LYPLAL1: variants seen among roughly 807,000 people sequenced by gnomAD.
LYPLAL1 encodes lysophospholipase like 1, also known as lysophospholipase-like protein 1.
Under a neutral mutation model 19.7 loss-of-function variants are expected in LYPLAL1, and 23 were observed. That is an observed-to-expected ratio of 1.17 (90% CI 0.84 to 1.65). The LOEUF (loss-of-function observed/expected upper bound fraction) is 1.65, where lower values mean the gene tolerates loss of function less well. LYPLAL1 is among the 40% of genes most tolerant of loss of function. The probability of loss-of-function intolerance (pLI) is 0.00; values close to 1 mark genes in which losing one functional copy is unlikely to be tolerated. For synonymous variants in LYPLAL1, 119 were observed against 96.3 expected (o/e 1.24, Z -1.38); for missense variants, 355 against 279.4 (o/e 1.27, Z -1.93).
the LYPLAL1 span, among the ~76,000 whole-genome samples, chr1:219,354,704 A>C: frequency 2.0e-5 from 3 of 152,218 alleles, no homozygotes; most frequent in Non-Finnish European, 4.4e-5. Flanking sequence ...CATATTTTTT[A>C]AACAAATTAA....
At chr1:219,226,903 T>C in the LYPLAL1 span, among the ~76,000 whole-genome samples, 1 of 152,236 alleles carries the variant, frequency 6.6e-6, no homozygotes, top group East Asian at 1.9e-4. Flanking sequence ...TTAAGTATTA[T>C]GTACTTCATT....
chr1:219,252,695 T>C, the LYPLAL1 span, among the ~76,000 whole-genome samples: 1 of 152,104 alleles, frequency 6.6e-6, no homozygotes, highest in African/African-American at 2.4e-5. Flanking sequence ...AATAATTTTG[T>C]TGAGGATTTT....
the LYPLAL1 span, among the ~76,000 whole-genome samples, chr1:219,399,376 G>T: frequency 2.0e-5 from 3 of 152,178 alleles, no homozygotes; most frequent in South Asian, 2.1e-4. Flanking sequence ...CACTGGTGGG[G>T]GTGTGGCTCT....
chr1:219,414,851 A>G, the LYPLAL1 span, among the ~76,000 whole-genome samples: 1 of 152,192 alleles, frequency 6.6e-6, no homozygotes, highest in Non-Finnish European at 1.5e-5. Flanking sequence ...CTAGGCACTG[A>G]GGCTATGGTA....
the LYPLAL1 span, among the ~76,000 whole-genome samples, chr1:219,406,416 A>G: frequency 6.6e-6 from 1 of 152,196 alleles, no homozygotes; most frequent in South Asian, 2.1e-4. Context: ...CACTGCTTTC[A>G]TTAACTTTGG....
chr1:219,291,983 T>C, the LYPLAL1 span, among the ~76,000 whole-genome samples: 1 of 152,174 alleles, frequency 6.6e-6, no homozygotes, highest in Admixed American at 6.5e-5. Context: ...AATCTACATA[T>C]CCCAGGCACT....
chr1:219,293,914 C>T, the LYPLAL1 span, among the ~76,000 whole-genome samples: 9 of 152,190 alleles, frequency 5.9e-5, no homozygotes, highest in Non-Finnish European at 1.3e-4. Flanking sequence ...GTTTTCTCTG[C>T]CTTGTCCCCC....
At chr1:219,300,172 C>A in the LYPLAL1 span, among the ~76,000 whole-genome samples, 1 of 152,000 alleles carries the variant, frequency 6.6e-6, no homozygotes, top group Admixed American at 6.5e-5. Context: ...TTTGCAGGGA[C>A]AAGGTATATC....
At chr1:219,372,522 C>T in the LYPLAL1 span, among the ~76,000 whole-genome samples, 1 of 152,138 alleles carries the variant, frequency 6.6e-6, no homozygotes. Flanking sequence ...AATGCGAACT[C>T]TGAATTCTGA....
chr1:219,325,167 C>A, the LYPLAL1 span, among the ~76,000 whole-genome samples: 3 of 152,172 alleles, frequency 2.0e-5, no homozygotes, highest in East Asian at 1.9e-4. Context: ...AATCTAAAAT[C>A]TTTCTGCTGC....
downstream of LYPLAL1, among the ~76,000 whole-genome samples, chr1:219,216,083 A>T (rs879276387): frequency 6.6e-6 from 1 of 151,988 alleles, no homozygotes; most frequent in Non-Finnish European, 1.5e-5. Context: ...TTATTCTAAA[A>T]TGCACTTATT....
At chr1:219,374,645 A>G in the LYPLAL1 span, among the ~76,000 whole-genome samples, 1 of 152,200 alleles carries the variant, frequency 6.6e-6, no homozygotes, top group Non-Finnish European at 1.5e-5. Context: ...AGACTGTTTA[A>G]GAATTGATTT....
At chr1:219,254,056 C>G in the LYPLAL1 span, among the ~76,000 whole-genome samples, 3 of 151,972 alleles carry the variant, frequency 2.0e-5, no homozygotes, top group Non-Finnish European at 4.4e-5. Context: ...CTTTTTGGAT[C>G]TTTGTGGCTT....
intron 3 of LYPLAL1, among the ~76,000 whole-genome samples, chr1:219,201,742 C>A (rs1393602095): frequency 6.6e-6 from 1 of 152,068 alleles, no homozygotes; most frequent in African/African-American, 2.4e-5. Flanking sequence ...CTTTAACCAG[C>A]CAGTGAAAAT....
the LYPLAL1 span, among the ~76,000 whole-genome samples, chr1:219,309,449 G>A: frequency 2.0e-5 from 3 of 152,066 alleles, no homozygotes; most frequent in Non-Finnish European, 2.9e-5. Context: ...AGATTTGGTG[G>A]GGCTGGGGCT....
At chr1:219,435,040 A>C in the LYPLAL1 span, 47 of 152,284 alleles carry the variant, frequency 3.1e-4, no homozygotes, top group Admixed American at 7.2e-4. Context: ...CATGCAGCAC[A>C]CTCTGCGTGG....
At chr1:219,439,176 T>G in the LYPLAL1 span, among the ~76,000 whole-genome samples, 1 of 152,300 alleles carries the variant, frequency 6.6e-6, no homozygotes, top group South Asian at 2.1e-4. Context: ...AGACTCAGAT[T>G]GGGCCTCACT....
the LYPLAL1 span, chr1:219,442,787 CGTG>C: frequency 6.6e-6 from 1 of 152,076 alleles, no homozygotes; most frequent in African/African-American, 2.4e-5. Context: ...TGCCAGTCCA[CGTG>C]GTAATTTTGG....
the LYPLAL1 span, among the ~76,000 whole-genome samples, chr1:219,305,563 A>G: frequency 6.6e-6 from 1 of 152,226 alleles, no homozygotes; most frequent in Non-Finnish European, 1.5e-5. Context: ...GATGTAAAAC[A>G]CTGAAATAAC....
Sources: gnomAD v4.1 joint callset for allele counts (sites outside exome capture counted in the v4.1 genomes callset) on GRCh38, gnomAD v4.1.1 for gene constraint, MANE v1.5 for transcripts, NCBI Gene and HGNC (gene_info 2026-07-23, HGNC 2026-07-21) for gene names.